Variants in TRIP12 observed in about 807,000 individuals in gnomAD.
The protein encoded by TRIP12 is thyroid hormone receptor interactor 12.
Under a neutral mutation model 244.2 loss-of-function variants are expected in TRIP12, and 25 were observed. That is an observed-to-expected ratio of 0.10 (90% CI 0.07 to 0.14). The LOEUF (loss-of-function observed/expected upper bound fraction) is 0.14, where lower values mean the gene tolerates loss of function less well. TRIP12 is among the 10% of genes least tolerant of loss of function. The pLI is 1.00. For synonymous variants in TRIP12, 905 were observed against 873.1 expected (o/e 1.04, Z -0.64); for missense variants, 1,677 against 2,486.4 (o/e 0.67, Z 6.92).
At chr2:229,827,782 AC>A (rs1401831560) in intron 8 of TRIP12, among the ~76,000 whole-genome samples, 1 of 152,240 alleles carries the variant, frequency 6.6e-6, no homozygotes, top group Non-Finnish European at 1.5e-5. Flanking sequence ...ATGCAGCCCA[AC>A]AAAAATTCGT....
At chr2:229,867,171 G>T (rs112105941) in intron 2 of TRIP12, among the ~76,000 whole-genome samples, 16,036 of 123,326 alleles carry the variant, frequency 0.13, 1,340 homozygotes, top group African/African-American at 0.21. Context: ...TTGTTTGTTT[G>T]TTTTTTTTTT....
intron 2 of TRIP12, among the ~76,000 whole-genome samples, chr2:229,864,033 AGAGAGAGAGAGAGAGTGTGTGT>A (rs1157259906): frequency 3.4e-5 from 4 of 118,146 alleles, no homozygotes; most frequent in African/African-American, 1.2e-4. Context: ...AGAGAGAGAG[AGAGAGAGAGAGAGAGTGTGTGT>A]GTGTGTGTGT....
chr2:229,884,807 T>C (rs1192338042), intron 1 of TRIP12, among the ~76,000 whole-genome samples: 1 of 152,006 alleles, frequency 6.6e-6, no homozygotes. Context: ...CTTGTCTCTG[T>C]AAGAAACTTA....
chr2:229,790,600 G>T (rs1432287399), intron 30 of TRIP12, among the ~76,000 whole-genome samples: 4 of 152,134 alleles, frequency 2.6e-5, no homozygotes, highest in African/African-American at 9.6e-5. Flanking sequence ...TGTTAGTATC[G>T]TATTTTTAAA....
Position 229,886,762 on chromosome 2 carries a change from C to T in TRIP12, c.-49-6634G>A, listed in dbSNP as rs550945586. ...GATTACAGGCATGAGCCACTGTGCC[C>T]GGCCAAACTAGTATTTTCAAATTGT... is the stretch of plus-strand genomic sequence containing the variant. On this transcript the variant is annotated intron_variant, in intron 1 of 41. Coordinates refer to ENST00000675903, the MANE Select transcript of TRIP12 (RefSeq NM_001348323.3). Among the ~76,000 whole-genome samples the T allele has an allele frequency of 3.9e-5, 6 of 152,146 alleles. No individual in the cohort carries two copies. The East Asian group carries it at 7.7e-4, about 20-fold the overall frequency.
intron 1 of TRIP12, among the ~76,000 whole-genome samples, chr2:229,917,499 C>A (rs1253582383): frequency 6.6e-6 from 1 of 151,282 alleles, no homozygotes; most frequent in East Asian, 1.9e-4. Flanking sequence ...TACTCTTCCA[C>A]CCTATCTGGC....
At chr2:229,908,063 A>C (rs1003069273) in intron 1 of TRIP12, among the ~76,000 whole-genome samples, 27 of 152,140 alleles carry the variant, frequency 1.8e-4, no homozygotes, top group African/African-American at 5.8e-4. Flanking sequence ...TAAACTTATC[A>C]TTATTCATAC....
At chr2:229,806,239 T>C (rs915125152) in intron 17 of TRIP12, 2 of 162,292 alleles carry the variant, frequency 1.2e-5, no homozygotes, top group African/African-American at 4.8e-5. Flanking sequence ...GTTATCCATA[T>C]ATCTTAGTAT....
Position 229,858,838 on chromosome 2 carries a change from G to A in TRIP12, c.961C>T (p.Leu321Phe), listed in dbSNP as rs1307813147. Residue 321 changes from leucine (L) to phenylalanine (F), a missense_variant, in exon 4 of 42, where the codon CTT becomes TTT. Physicochemically the swap from Leu to Phe is conservative, Grantham distance 22 (BLOSUM62 0). Coordinates refer to ENST00000675903, the MANE Select transcript of TRIP12 (RefSeq NM_001348323.3). ...GTCTCTGACTTAGAAGACCCTGGAA[G>A]AGACAGTTTTGTTTTAGGAAGGCTA... ...KVSLPKTKLS[L>F]PGSSKSETSK... is the part of the protein sequence containing the mutation. 1.2e-6 allele frequency: 2 copies of A among 1,614,032 alleles called. No individual in the cohort carries two copies. Among genetic ancestry groups the A allele is most frequent in the Admixed American group, 1.7e-5 (1 of 60,012 alleles).
At chr2:229,869,451 G>C (rs1163016961) in intron 2 of TRIP12, among the ~76,000 whole-genome samples, 1 of 152,122 alleles carries the variant, frequency 6.6e-6, no homozygotes, top group African/African-American at 2.4e-5. Context: ...TACCACACCT[G>C]CTTTGCAACT....
intron 4 of TRIP12, among the ~76,000 whole-genome samples, chr2:229,855,695 T>C (rs915280290): frequency 2.6e-5 from 4 of 151,708 alleles, no homozygotes; most frequent in Non-Finnish European, 4.4e-5. Context: ...CTGCCAAGTA[T>C]GAGGTATATT....
intron 2 of TRIP12, among the ~76,000 whole-genome samples, chr2:229,878,737 T>C (rs899564126): frequency 4.6e-5 from 7 of 151,332 alleles, no homozygotes; most frequent in African/African-American, 1.4e-4. Flanking sequence ...CCCACCACCA[T>C]GCCCAGCTAA....
At chr2:229,818,718 G>A (rs1396963486) in intron 8 of TRIP12, among the ~76,000 whole-genome samples, 1 of 152,114 alleles carries the variant, frequency 6.6e-6, no homozygotes, top group Non-Finnish European at 1.5e-5. Flanking sequence ...TGCTTTCACA[G>A]TTATATACTT....
At chr2:229,829,097 T>C in intron 8 of TRIP12, 96 bp downstream of exon 8, 1 of 1,137,900 alleles carries the variant, frequency 8.8e-7, no homozygotes, top group Non-Finnish European at 1.3e-6. Context: ...TTAAAGTTGA[T>C]GAAAAACTTC....
chr2:229,829,313 G>T, intron 7 of TRIP12, 25 bp from the exon 8 acceptor site: 2 of 1,585,558 alleles, frequency 1.3e-6, no homozygotes, highest in Non-Finnish European at 1.7e-6. Context: ...AGGGCAGAGT[G>T]AACAACTAAG....
Position 229,788,884 on chromosome 2 carries a change from T to C in TRIP12, c.4752A>G (p.Thr1584=), listed in dbSNP as rs1376030250. The C allele has an allele frequency of 3.1e-6, 5 of 1,613,928 alleles. No individual in the cohort carries two copies. In the South Asian group the frequency reaches 3.3e-5, roughly 11 times the overall value. Residue 1584 remains threonine, a synonymous_variant, in exon 32 of 42, where the codon ACA becomes ACG. Coordinates refer to ENST00000675903, the MANE Select transcript of TRIP12 (RefSeq NM_001348323.3). ...CTTGAAGTTGCCTATTTGCTTTTGC[T>C]GTTAACTTACTGTTAATAAATTCAC... is the stretch of plus-strand genomic sequence containing the variant. ...PTSEFINSKL[T]AKANRQLQDP... is the part of the protein sequence containing the mutation.
At chr2:229,892,130 T>C (rs544399723) in intron 1 of TRIP12, among the ~76,000 whole-genome samples, 8 of 152,048 alleles carry the variant, frequency 5.3e-5, no homozygotes, top group African/African-American at 1.9e-4. Flanking sequence ...AAAGAGAAAA[T>C]AAACAAACTA....
intron 2 of TRIP12, among the ~76,000 whole-genome samples, chr2:229,869,272 T>C (rs1301882566): frequency 1.3e-5 from 2 of 152,250 alleles, no homozygotes; most frequent in East Asian, 1.9e-4. Context: ...CACATTTCTG[T>C]GCCCAGAAAT....
chr2:229,889,335 T>C (rs377154876), intron 1 of TRIP12, among the ~76,000 whole-genome samples: 2 of 152,260 alleles, frequency 1.3e-5, no homozygotes, highest in East Asian at 3.8e-4. Context: ...TTATCCTGAA[T>C]AGCTATTGCT....
Sources: allele counts gnomAD v4.1 joint callset (sites outside exome capture counted in the v4.1 genomes callset), GRCh38; gene constraint gnomAD v4.1.1; transcripts MANE v1.5; gene names NCBI Gene and HGNC (gene_info 2026-07-23, HGNC 2026-07-21).